The following PPME1 variants were observed in gnomAD, a reference collection of about 807,000 sequenced individuals.
PPME1 encodes the protein testicular secretory protein Li 39.
Under a neutral mutation model 56.9 loss-of-function variants are expected in PPME1, and 17 were observed. The observed-to-expected ratio is 0.30, with a 90% confidence interval of 0.20 to 0.45. The LOEUF (loss-of-function observed/expected upper bound fraction) is 0.45, where lower values mean the gene tolerates loss of function less well. Ranked by LOEUF, PPME1 falls within the 20% of genes least tolerant of loss-of-function variation. The pLI is 1.00. For synonymous variants in PPME1, 122 were observed against 156.2 expected, an observed-to-expected ratio of 0.78 and a Z score of 1.63; for missense variants, 357 against 483.2, an observed-to-expected ratio of 0.74 and a Z score of 2.45.
chr11:74,244,498 C>T (rs1859457167), intron 9 of PPME1, among the ~76,000 whole-genome samples: 1 of 152,120 alleles, frequency 6.6e-6, no homozygotes, highest in African/African-American at 2.4e-5. Flanking sequence ...TGTTGCTGTG[C>T]ATTTATTTAT....
chr11:74,174,716 A>G (rs1857365052), intron 1 of PPME1, among the ~76,000 whole-genome samples: 1 of 152,244 alleles, frequency 6.6e-6, no homozygotes, highest in Admixed American at 6.5e-5. Flanking sequence ...TAATTTAATA[A>G]TAGCAATTTT....
chr11:74,242,547 C>G (rs1246724608), intron 9 of PPME1, among the ~76,000 whole-genome samples: 1 of 152,112 alleles, frequency 6.6e-6, no homozygotes, highest in East Asian at 1.9e-4. Context: ...CTCATCCTTA[C>G]AATTCTTTCA....
chr11:74,243,456 C>G (rs937646376), intron 9 of PPME1: 1 of 152,022 alleles, frequency 6.6e-6, no homozygotes, highest in Non-Finnish European at 1.5e-5. Flanking sequence ...TATGCCTTGT[C>G]TCTGACGGTG....
At position 74,230,880 on chromosome 11, in the gene PPME1, A is replaced by G. The variant is rs1859048082; in HGVS notation, c.554-32A>G. 6.7e-7 allele frequency: 1 copy of G among 1,484,560 alleles called. No individual in the cohort carries two copies. The highest frequency in any genetic ancestry group is 1.4e-5 in the African/African-American group (1 of 72,260). The allele number at this position is 1,484,560 out of a possible 1,614,324, so 92.0% of individuals were successfully genotyped here. ...AGTGTAAATGCTCAGAATAAGTTAAATATGTGGTTACAGTTTTTGTTTAAC... is the reference window on the plus strand; with the variant it reads ...AGTGTAAATGCTCAGAATAAGTTAAGTATGTGGTTACAGTTTTTGTTTAAC... On this transcript the variant is annotated intron_variant, in intron 6 of 13. Transcript: ENST00000328257. The surrounding 1 kb of genome is among the most constrained non-coding windows in gnomAD (Gnocchi z 4.9).
At chr11:74,244,497 G>T (rs1015817866) in intron 9 of PPME1, among the ~76,000 whole-genome samples, 1 of 152,056 alleles carries the variant, frequency 6.6e-6, no homozygotes, top group African/African-American at 2.4e-5. Context: ...GTGTTGCTGT[G>T]CATTTATTTA....
At chr11:74,242,681 C>A (rs1300014374) in intron 9 of PPME1, among the ~76,000 whole-genome samples, 1 of 151,782 alleles carries the variant, frequency 6.6e-6, no homozygotes, top group Non-Finnish European at 1.5e-5. Context: ...GAGATTGAGA[C>A]CATCCTGGCC....
chr11:74,229,046 T>C (rs770930617), intron 5 of PPME1, among the ~76,000 whole-genome samples: 38 of 152,318 alleles, frequency 2.5e-4, no homozygotes, highest in Non-Finnish European at 4.3e-4. Flanking sequence ...GTGGCCTCCC[T>C]ATCTCCCATT....
chr11:74,219,531 T>C (rs1858743376), intron 3 of PPME1, among the ~76,000 whole-genome samples: 1 of 152,076 alleles, frequency 6.6e-6, no homozygotes, highest in Admixed American at 6.6e-5. Context: ...GAAAATGTGG[T>C]ACATATACAC....
chr11:74,183,063 G>A (rs763514736), intron 1 of PPME1, among the ~76,000 whole-genome samples: 6 of 151,846 alleles, frequency 4.0e-5, no homozygotes, highest in African/African-American at 2.4e-5. Context: ...TTTGGAGTTC[G>A]AGGTGGGAGG....
chr11:74,233,078 C>CT (rs1412047507), intron 7 of PPME1, among the ~76,000 whole-genome samples: 1 of 151,694 alleles, frequency 6.6e-6, no homozygotes, highest in East Asian at 1.9e-4. Flanking sequence ...AGTACCTGAT[C>CT]TAAGAACTGG....
intron 1 of PPME1, among the ~76,000 whole-genome samples, chr11:74,173,534 A>G (rs958158428): frequency 6.6e-6 from 1 of 151,858 alleles, no homozygotes. Context: ...TTTATTTTTT[A>G]TTACTTTTCA....
intron 11 of PPME1, 29 bp downstream of exon 11, chr11:74,247,152 A>G: frequency 1.9e-6 from 3 of 1,586,402 alleles, no homozygotes; most frequent in Non-Finnish European, 2.6e-6. Flanking sequence ...ATACCCCTGG[A>G]CCCTTTTCTG....
chr11:74,231,736 T>C (rs539110336), intron 7 of PPME1, among the ~76,000 whole-genome samples: 1 of 152,298 alleles, frequency 6.6e-6, no homozygotes, highest in South Asian at 2.1e-4. Flanking sequence ...GGTTTTAGAT[T>C]TACTTTCTGT....
At chr11:74,238,919 T>C (rs114623597) in intron 8 of PPME1, 1 of 477,902 alleles carries the variant, frequency 2.1e-6, no homozygotes, top group African/African-American at 1.9e-5. Flanking sequence ...TGGGTCAGTA[T>C]TGGTGCAAGA....
In PPME1 at chr11:74,211,554, A is replaced by C. The variant is rs1858475672; in HGVS notation, c.288+7109A>C. ...CGTAAGAAAATTCAGATACGACCTT[A>C]AAGCAGGCCTTCTTAAACTTAGCCA... is the stretch of plus-strand genomic sequence containing the variant. On this transcript the variant is annotated intron_variant, in intron 3 of 13. Transcript: ENST00000328257. Among the ~76,000 whole-genome samples the C allele has an allele frequency of 3.3e-5, 5 of 152,200 alleles. No individual in the cohort carries two copies. In the South Asian group the frequency reaches 1.0e-3, roughly 31 times the overall value.
chr11:74,182,171 C>T (rs1343703625), intron 1 of PPME1, among the ~76,000 whole-genome samples: 1 of 152,048 alleles, frequency 6.6e-6, no homozygotes, highest in Non-Finnish European at 1.5e-5. Flanking sequence ...CTACTTACCG[C>T]TTAACTGGTG....
chr11:74,200,489 C>T (rs968015663), intron 1 of PPME1, among the ~76,000 whole-genome samples: 2 of 152,042 alleles, frequency 1.3e-5, no homozygotes, highest in African/African-American at 2.4e-5. Flanking sequence ...TCAAGCGATT[C>T]TCCTGCTTCA....
At chr11:74,193,287 C>T (rs534802121) in intron 1 of PPME1, among the ~76,000 whole-genome samples, 2 of 152,326 alleles carry the variant, frequency 1.3e-5, no homozygotes, top group Admixed American at 1.3e-4. Context: ...AAGATAGTGA[C>T]ACCGTTGCTT....
At chr11:74,247,146 C>T in intron 11 of PPME1, 23 bp downstream of exon 11, 3 of 1,592,910 alleles carry the variant, frequency 1.9e-6, no homozygotes, top group Non-Finnish European at 2.6e-6. Context: ...GAAATTATAC[C>T]CCTGGACCCT....
Sources: gnomAD v4.1 joint callset for allele counts (sites outside exome capture counted in the v4.1 genomes callset) on GRCh38, gnomAD v4.1.1 for gene constraint, Gnocchi (gnomAD v3.1) non-coding constraint, MANE v1.5 for transcripts, NCBI Gene and HGNC (gene_info 2026-07-23, HGNC 2026-07-21) for gene names.